C8orf82: variants seen among roughly 807,000 people sequenced by gnomAD.
The protein encoded by C8orf82 is UPF0598 protein C8orf82.
In C8orf82, 24 loss-of-function variants were observed where a neutral mutation model predicts 15.0. That is an observed-to-expected ratio of 1.60 (90% CI 1.16 to 2.24). C8orf82 has a LOEUF of 2.24. C8orf82 is among the 30% of genes most tolerant of loss of function. The pLI is 0.00. For missense variants in C8orf82, 388 were observed against 317.4 expected (o/e 1.22, Z -1.69); for synonymous variants, 205 against 152.2 (o/e 1.35, Z -2.55).
chr8:144,527,226 C>A lies in C8orf82; in HGVS notation c.*116G>T, dbSNP rs926342611. On this transcript the variant is annotated 3_prime_UTR_variant, in exon 3 of 3. Coordinates refer to ENST00000524821, the MANE Select transcript of C8orf82 (RefSeq NM_001001795.2). ...AGCGCCGGGTGGGGGCGGGGCCGAG[C>A]GCGCAGGCGCACTAGGCTGCCGCGA... is the stretch of plus-strand genomic sequence containing the variant. The A allele has an allele frequency of 9.9e-5, 66 of 664,558 alleles. No individual in the cohort carries two copies. Among genetic ancestry groups the A allele is most frequent in the Non-Finnish European group, 1.3e-4 (63 of 502,332 alleles). The allele number at this position is 664,558 out of a possible 1,614,324, so 41.2% of individuals were successfully genotyped here. A position where few individuals can be genotyped will look rare whatever the true frequency, so the allele number is the denominator to read the frequency against.
chr8:144,528,183 C>T, intron 1 of C8orf82, 111 bp from the exon 2 acceptor site: 1 of 1,538,108 alleles, frequency 6.5e-7, no homozygotes. Flanking sequence ...CCCACTTTTC[C>T]TGCTTGTCTG....
In C8orf82 at chr8:144,527,220, G is replaced by T; in HGVS notation, c.*122C>A. 1.6e-6 allele frequency: 1 copy of T among 634,758 alleles called. No individual in the cohort carries two copies. Among genetic ancestry groups the T allele is most frequent in the Non-Finnish European group, 2.1e-6 (1 of 475,710 alleles). The allele number at this position is 634,758 out of a possible 1,614,324, so 39.3% of individuals were successfully genotyped here. On this transcript the variant is annotated 3_prime_UTR_variant, in exon 3 of 3. Transcript: ENST00000524821. The stretch of plus-strand genomic sequence containing the variant: ...AAGGACAGCGCCGGGTGGGGGCGGG[G>T]CCGAGCGCGCAGGCGCACTAGGCTG...
rs1190734588 is a variant in C8orf82 at position 144,528,892 on chromosome 8, G to A, written c.25C>T (p.Arg9Trp). MWPPCGTL[R>W]TLALARSRGA... The stretch of plus-strand genomic sequence containing the variant: ...CGCGACCGCGCCAAGGCCAGGGTCC[G>A]GAGCGTCCCGCAAGGCGGCCACATT... The change falls in exon 1 of 3, where the codon CGG (arginine) becomes TGG (tryptophan). Residue 9 changes from arginine (R) to tryptophan (W), a missense_variant. Transcript: ENST00000524821. 3 of 1,514,072 alleles carry A rather than the reference G, an allele frequency of 2.0e-6. No homozygotes were observed. The highest frequency in any genetic ancestry group is 2.8e-5 in the East Asian group (1 of 35,530). The allele number at this position is 1,514,072 out of a possible 1,614,324, so 93.8% of individuals were successfully genotyped here. A position where few individuals can be genotyped will look rare whatever the true frequency, so the allele number is the denominator to read the frequency against.
rs1816355315 is a variant in C8orf82 at position 144,526,249 on chromosome 8, G to C, written c.*1093C>G. ...ACAGCAATAAAGTTTTAATGGAATA[G>C]CTTTGGCCCAGGCAGAGGCAGTTCC... On this transcript the variant is annotated 3_prime_UTR_variant, in exon 3 of 3. Transcript: ENST00000524821. 1 of 152,244 alleles carries C rather than the reference G, an allele frequency of 6.6e-6. No homozygotes were observed. The highest frequency in any genetic ancestry group is 1.5e-5 in the Non-Finnish European group (1 of 68,046). 9.4% of individuals were successfully genotyped at this position (152,244 alleles called of 1,614,324 possible).
intron 1 of C8orf82, 72 bp downstream of exon 1, chr8:144,528,689 G>GGCCCCCC: frequency 1.5e-5 from 1 of 68,850 alleles, no homozygotes; most frequent in African/African-American, 5.1e-5. Flanking sequence ...ACAGAGCCAC[G>GGCCCCCC]CCCCCCCCCC....
At position 144,528,841 on chromosome 8, in the gene C8orf82, C is replaced by G. The variant is rs754951843; in HGVS notation, c.76G>C (p.Gly26Arg). The stretch of plus-strand genomic sequence containing the variant: ...TGGCCCTGCGTGTAGGAAACGCCCC[C>G]ATCCCCGCTGCAGGCCCGGGCTCCC... Reference protein sequence around the residue: ...SRGARACSGDGGVSYTQGQSP... With the variant: ...SRGARACSGDRGVSYTQGQSP... Residue 26 changes from glycine to arginine, a missense_variant, in exon 1 of 3, where the codon GGG becomes CGG. Transcript: ENST00000524821. 1.3e-6 allele frequency: 2 copies of G among 1,520,136 alleles called. No homozygotes were observed. The highest frequency in any genetic ancestry group is 2.1e-5 in the Admixed American group (1 of 47,576). 94.2% of individuals were successfully genotyped at this position (1,520,136 alleles called of 1,614,324 possible).
In C8orf82 at chr8:144,528,848, G is replaced by A. The variant is rs777695737; in HGVS notation, c.69C>T (p.Ser23=). 3.3e-6 allele frequency: 5 copies of A among 1,519,168 alleles called. No homozygotes were observed. The South Asian group carries it at 3.7e-5, about 11-fold the overall frequency. 94.1% of individuals were successfully genotyped at this position (1,519,168 alleles called of 1,614,324 possible). A position where few individuals can be genotyped will look rare whatever the true frequency, so the allele number is the denominator to read the frequency against. ...LARSRGARAC[S]GDGGVSYTQG... ...GCGTGTAGGAAACGCCCCCATCCCCGCTGCAGGCCCGGGCTCCCCGCGACC... is the reference window on the plus strand; with the variant it reads ...GCGTGTAGGAAACGCCCCCATCCCCACTGCAGGCCCGGGCTCCCCGCGACC... The change falls in exon 1 of 3, where the codon AGC becomes AGT. Residue 23 remains serine, a synonymous_variant. Transcript: ENST00000524821.
rs1216961115 is a variant in C8orf82 at position 144,527,223 on chromosome 8, G to A, written c.*119C>T. On this transcript the variant is annotated 3_prime_UTR_variant, in exon 3 of 3. Coordinates refer to ENST00000524821, the MANE Select transcript of C8orf82 (RefSeq NM_001001795.2). ...GACAGCGCCGGGTGGGGGCGGGGCCGAGCGCGCAGGCGCACTAGGCTGCCG... is the reference window on the plus strand; with the variant it reads ...GACAGCGCCGGGTGGGGGCGGGGCCAAGCGCGCAGGCGCACTAGGCTGCCG... 1 of 645,758 alleles carries A rather than the reference G, an allele frequency of 1.5e-6. No individual in the cohort carries two copies. The highest frequency in any genetic ancestry group is 2.1e-6 in the Non-Finnish European group (1 of 485,630). The allele number at this position is 645,758 out of a possible 1,614,324, so 40.0% of individuals were successfully genotyped here. A position where few individuals can be genotyped will look rare whatever the true frequency, so the allele number is the denominator to read the frequency against.
chr8:144,527,607 T>G lies in C8orf82; in HGVS notation c.386A>C (p.Tyr129Ser). 1 of 1,524,484 alleles carries G rather than the reference T, an allele frequency of 6.6e-7. No individual in the cohort carries two copies. Among genetic ancestry groups the G allele is most frequent in the Non-Finnish European group, 8.8e-7 (1 of 1,140,670 alleles). The allele number at this position is 1,524,484 out of a possible 1,614,324, so 94.4% of individuals were successfully genotyped here. The change falls in exon 3 of 3, where the codon TAC (tyrosine) becomes TCC (serine). Residue 129 changes from tyrosine (Y) to serine (S), a missense_variant. By Grantham distance (144) the Tyr-to-Ser change is moderately radical (BLOSUM62 -2). Coordinates refer to ENST00000524821, the MANE Select transcript of C8orf82 (RefSeq NM_001001795.2). ...GGCCAGGGCCTCGCCACCGCCGCAG[T>G]AGGAGAGGCGCGGAGGCCCGTGGTC... ...TADHGPPRLS[Y>S]CGGGEALAVP...
chr8:144,528,012 GC>G lies in C8orf82; in HGVS notation c.205+11del. The G allele has an allele frequency of 6.2e-7, 1 of 1,611,860 alleles. No homozygotes were observed. The highest frequency in any genetic ancestry group is 1.3e-5 in the African/African-American group (1 of 75,042). ...GAGAAAGAAGGGGCTGGAGAGGGAG[GC>G]ACAGCATTACCTTTGAAGCAGGTGA... On this transcript the variant is annotated intron_variant, in intron 2 of 2. Coordinates refer to ENST00000524821, the MANE Select transcript of C8orf82 (RefSeq NM_001001795.2).
At position 144,527,351 on chromosome 8, in the gene C8orf82, C is replaced by T; in HGVS notation, c.642G>A (p.Arg214=). The T allele has an allele frequency of 8.3e-7, 1 of 1,205,888 alleles. No individual in the cohort carries two copies. The highest frequency in any genetic ancestry group is 1.6e-5 in the African/African-American group (1 of 61,894). 74.7% of individuals were successfully genotyped at this position (1,205,888 alleles called of 1,614,324 possible). The change falls in exon 3 of 3, where the codon CGG becomes CGA. Residue 214 remains arginine, a synonymous_variant. Transcript: ENST00000524821. ...MDLAPLLLAA[R]SP ...TTTCCCTTGGCCCCGCTCAGGGCGA[C>T]CGAGCCGCGAGCAGCAGCGGGGCCA... is the stretch of plus-strand genomic sequence containing the variant.
chr8:144,528,060 C>A lies in C8orf82; in HGVS notation c.169G>T (p.Asp57Tyr). Residue 57 changes from aspartate to tyrosine, a missense_variant, in exon 2 of 3, where the codon GAT (aspartate) becomes TAT (tyrosine). Asp to Tyr is a radical substitution (Grantham distance 160). Coordinates refer to ENST00000524821, the MANE Select transcript of C8orf82 (RefSeq NM_001001795.2). ...GTGATGAAATTCTTCATTTTGGAAT[C>A]ATCCAGGAAAAGCTGCAGATAGAGG... is the stretch of plus-strand genomic sequence containing the variant. The part of the protein sequence containing the change: ...VDHQGQLFLD[D>Y]SKMKNFITCF... The A allele has an allele frequency of 6.2e-7, 1 of 1,612,872 alleles. No homozygotes were observed. The highest frequency in any genetic ancestry group is 8.5e-7 in the Non-Finnish European group (1 of 1,179,944).
rs1466378872 is a variant in C8orf82 at position 144,527,719 on chromosome 8, A to T, written c.274T>A (p.Phe92Ile). 1 of 1,591,348 alleles carries T rather than the reference A, an allele frequency of 6.3e-7. No individual in the cohort carries two copies. The highest frequency in any genetic ancestry group is 8.5e-7 in the Non-Finnish European group (1 of 1,176,190). ...CTGCCGCAGGGCGAGAGGAAGGGGA[A>T]AGCGGCCTCGTAGCGCCCGCTGCGG... ...PNRSGRYEAAFPFLSPCGRER... is the reference protein window; with the variant it reads ...PNRSGRYEAAIPFLSPCGRER... Residue 92 changes from phenylalanine to isoleucine, a missense_variant, in exon 3 of 3, where the codon TTC becomes ATC. Coordinates refer to ENST00000524821, the MANE Select transcript of C8orf82 (RefSeq NM_001001795.2).
At chr8:144,528,624 C>T in intron 1 of C8orf82, 137 bp downstream of exon 1, 2 of 164,290 alleles carry the variant, frequency 1.2e-5, no homozygotes, top group South Asian at 6.6e-5. Context: ...CCCGCCCACC[C>T]ACCCACCCCC....
In C8orf82 at chr8:144,527,734, GC is replaced by G; in HGVS notation, c.258del (p.Arg87AlafsTer32). On this transcript the variant is annotated frameshift_variant, in exon 3 of 3. Coordinates refer to ENST00000524821, the MANE Select transcript of C8orf82 (RefSeq NM_001001795.2). LOFTEE classifies it high-confidence loss of function. ...FFSRLRPNRS[G>X]RYEAAFPFLS... The stretch of plus-strand genomic sequence containing the variant: ...AGGAAGGGGAAAGCGGCCTCGTAGC[GC>G]CCGCTGCGGTTGGGTCTCAGGCGGG... The G allele has an allele frequency of 6.3e-7, 1 of 1,592,644 alleles. No individual in the cohort carries two copies.
At position 144,527,138 on chromosome 8, in the gene C8orf82, G is replaced by A. The variant is rs1207998059; in HGVS notation, c.*204C>T. On this transcript the variant is annotated 3_prime_UTR_variant, in exon 3 of 3. Transcript: ENST00000524821. ...CGGAGGGCGCCGGAGTCGGGTGCGC[G>A]GGGGGCGCGCGCCGTGGGGAGCGGG... The A allele has an allele frequency of 8.5e-6, 2 of 233,920 alleles. No homozygotes were observed. The highest frequency in any genetic ancestry group is 2.4e-4 in the East Asian group (2 of 8,472). The allele number at this position is 233,920 out of a possible 1,614,324, so 14.5% of individuals were successfully genotyped here. A position where few individuals can be genotyped will look rare whatever the true frequency, so the allele number is the denominator to read the frequency against.
chr8:144,528,160 G>T lies in C8orf82; in HGVS notation c.157-88C>A, dbSNP rs558410167. ...GAGGTCCTGAAGCTCGGGAGGTCCTGAACCGGCCCGAGCCCACTTTTCCTG... is the reference window on the plus strand; with the variant it reads ...GAGGTCCTGAAGCTCGGGAGGTCCTTAACCGGCCCGAGCCCACTTTTCCTG... On this transcript the variant is annotated intron_variant, in intron 1 of 2. Transcript: ENST00000524821. 25 of 1,560,658 alleles carry T rather than the reference G, an allele frequency of 1.6e-5. No individual in the cohort carries two copies. In the South Asian group the frequency reaches 2.8e-4, roughly 18 times the overall value.
chr8:144,528,923 C>G lies in C8orf82; in HGVS notation c.-7G>C. Reference sequence around the variant, plus strand: ...TCCCGCAAGGCGGCCACATTCTCCTCCCGCGCCGGAAGCGACCAGCAGGTC... The same window carrying G: ...TCCCGCAAGGCGGCCACATTCTCCTGCCGCGCCGGAAGCGACCAGCAGGTC... On this transcript the variant is annotated 5_prime_UTR_variant, in exon 1 of 3. Transcript: ENST00000524821. 6.7e-7 allele frequency: 1 copy of G among 1,503,150 alleles called. No individual in the cohort carries two copies. The allele number at this position is 1,503,150 out of a possible 1,614,324, so 93.1% of individuals were successfully genotyped here.
rs1221377288 is a variant in C8orf82 at position 144,526,715 on chromosome 8, C to T, written c.*627G>A. 1 of 152,294 alleles carries T rather than the reference C, an allele frequency of 6.6e-6. No homozygotes were observed. The highest frequency in any genetic ancestry group is 2.4e-5 in the African/African-American group (1 of 41,476). 9.4% of individuals were successfully genotyped at this position (152,294 alleles called of 1,614,324 possible). A position where few individuals can be genotyped will look rare whatever the true frequency, so the allele number is the denominator to read the frequency against. On this transcript the variant is annotated 3_prime_UTR_variant, in exon 3 of 3. Transcript: ENST00000524821. ...GGCGCAGTGCGAGGCCCAAGCTGGT[C>T]TTTGGGCGGCCCTTGCGCACCTCTG... is the stretch of plus-strand genomic sequence containing the variant.
Sources: gnomAD v4.1 joint callset for allele counts on GRCh38, gnomAD v4.1.1 for gene constraint, MANE v1.5 for transcripts, NCBI Gene and HGNC (gene_info 2026-07-23, HGNC 2026-07-21) for gene names.